Variants in BABAM2 observed in about 807,000 individuals in gnomAD.
BABAM2 encodes BRISC and BRCA1-A complex member 2.
In BABAM2, 31 loss-of-function variants were observed where a neutral mutation model predicts 54.7. The ratio of observed to expected loss-of-function variants is 0.57; its 90% confidence interval spans 0.43 to 0.77. The LOEUF is 0.77. Among genes scored for constraint, BABAM2 ranks in the 30% least tolerant of loss-of-function variants. BABAM2 has a pLI of 0.00. For synonymous variants in BABAM2, 167 were observed against 162.9 expected (o/e 1.03, Z -0.19); for missense variants, 364 against 455.8 (o/e 0.80, Z 1.83).
intron 10 of BABAM2, among the ~76,000 whole-genome samples, chr2:28,278,971 A>C (rs1158485211): frequency 6.6e-6 from 1 of 152,250 alleles, no homozygotes; most frequent in Non-Finnish European, 1.5e-5. Context: ...CACAGAATTC[A>C]TTCACAGTGA....
chr2:27,915,873 C>T (rs1666932316), intron 2 of BABAM2, among the ~76,000 whole-genome samples: 1 of 151,946 alleles, frequency 6.6e-6, no homozygotes. Flanking sequence ...CTTTTTGTTT[C>T]TTCTCCCCAT....
In BABAM2 at chr2:27,899,052, C is replaced by A. The variant is rs1665563283; in HGVS notation, c.128+4368C>A. 3.3e-5 allele frequency among the ~76,000 whole-genome samples: 5 copies of A among 151,542 alleles called. No homozygotes were observed. The South Asian group carries it at 1.0e-3, about 32-fold the overall frequency. On this transcript the variant is annotated intron_variant, in intron 2 of 11. Coordinates refer to ENST00000379624, the MANE Select transcript of BABAM2 (RefSeq NM_199191.3). ...GCTGAGACAGGTGGATCACTTGAGC[C>A]CAGGAGTTTGAGACCAGCCTAGGCA...
At chr2:28,270,143 A>T (rs1685301617) in intron 10 of BABAM2, among the ~76,000 whole-genome samples, 1 of 151,946 alleles carries the variant, frequency 6.6e-6, no homozygotes, top group Non-Finnish European at 1.5e-5. Context: ...TTTTTAAGAG[A>T]CAGGGTCTTG....
intron 7 of BABAM2, among the ~76,000 whole-genome samples, chr2:28,183,474 C>G (rs1216770513): frequency 4.6e-5 from 7 of 152,090 alleles, no homozygotes; most frequent in Non-Finnish European, 8.8e-5. Flanking sequence ...TTTCTTCCCT[C>G]AATGTAAATG....
At chr2:28,123,709 C>A (rs1254704815) in intron 6 of BABAM2, among the ~76,000 whole-genome samples, 1 of 152,178 alleles carries the variant, frequency 6.6e-6, no homozygotes, top group Non-Finnish European at 1.5e-5. Context: ...TTTAAGCACT[C>A]AAATTCAAAC....
chr2:28,303,340 C>T (rs1420565101), intron 11 of BABAM2, among the ~76,000 whole-genome samples: 2 of 152,090 alleles, frequency 1.3e-5, no homozygotes, highest in Non-Finnish European at 2.9e-5. Flanking sequence ...GCCTATGATC[C>T]ATCTCAAATT....
chr2:27,993,786 G>A (rs1558643321), intron 4 of BABAM2, among the ~76,000 whole-genome samples: 1 of 152,144 alleles, frequency 6.6e-6, no homozygotes, highest in Non-Finnish European at 1.5e-5. Context: ...TTCAGTGACT[G>A]TTCTGCTTGC....
intron 4 of BABAM2, among the ~76,000 whole-genome samples, chr2:28,000,597 T>C (rs1673511976): frequency 6.6e-6 from 1 of 152,208 alleles, no homozygotes; most frequent in Non-Finnish European, 1.5e-5. Context: ...TCTCACTGTG[T>C]GCAACCCACA....
rs577715206 is a variant in BABAM2, at chr2:28,186,039, A to C, written c.681-51163A>C. On this transcript the variant is annotated intron_variant, in intron 7 of 11. Transcript: ENST00000379624. ...AGGACTTAGTGTGGGAATGTTAAGG[A>C]ATGAAGCAGAGTTGAAGACATGGCT... Among the ~76,000 whole-genome samples the C allele has an allele frequency of 7.9e-5, 12 of 152,316 alleles. No homozygotes were observed. In the South Asian group the frequency reaches 2.5e-3, roughly 32 times the overall value.
intron 4 of BABAM2, chr2:28,013,414 G>T (rs1288508134): frequency 2.2e-6 from 1 of 455,396 alleles, no homozygotes; most frequent in Non-Finnish European, 4.4e-6. Context: ...GAAAAGTTCA[G>T]ACTTAAAATT....
In BABAM2 at chr2:28,067,392, C is replaced by T. The variant is rs190083289; in HGVS notation, c.570+21593C>T. On this transcript the variant is annotated intron_variant, in intron 6 of 11. Coordinates refer to ENST00000379624, the MANE Select transcript of BABAM2 (RefSeq NM_199191.3). ...ACATCAATTTTATACCACGGTCATA[C>T]TGAACAGTTAACCTGAACACATCTT... is the stretch of plus-strand genomic sequence containing the variant. Among the ~76,000 whole-genome samples, 9 of 152,360 alleles carry T rather than the reference C, an allele frequency of 5.9e-5. No individual in the cohort carries two copies. In the East Asian group the frequency reaches 1.7e-3, roughly 29 times the overall value.
chr2:28,125,484 G>C (rs1364905996), intron 6 of BABAM2, among the ~76,000 whole-genome samples: 1 of 151,950 alleles, frequency 6.6e-6, no homozygotes, highest in Non-Finnish European at 1.5e-5. Context: ...AGTAGAGATG[G>C]GGTTTACCGT....
intron 1 of BABAM2, among the ~76,000 whole-genome samples, chr2:27,894,092 A>G (rs962752478): frequency 3.9e-5 from 6 of 151,988 alleles, no homozygotes; most frequent in African/African-American, 1.2e-4. Flanking sequence ...TTTATACGGT[A>G]TTATCCATCA....
chr2:28,218,643 T>G (rs895071169), intron 7 of BABAM2, among the ~76,000 whole-genome samples: 2 of 152,168 alleles, frequency 1.3e-5, no homozygotes, highest in Non-Finnish European at 1.5e-5. Flanking sequence ...CCTGGTTAAG[T>G]GGTGTCTCTG....
chr2:27,936,839 C>G (rs1054685715), intron 3 of BABAM2, among the ~76,000 whole-genome samples: 2 of 152,084 alleles, frequency 1.3e-5, no homozygotes, highest in Non-Finnish European at 2.9e-5. Context: ...AGGAGATATA[C>G]GTAATGCTAA....
At chr2:28,220,522 CCT>C (rs34705365) in intron 7 of BABAM2, among the ~76,000 whole-genome samples, 20 of 149,546 alleles carry the variant, frequency 1.3e-4, no homozygotes, top group South Asian at 4.2e-4. Context: ...TACCTTAGTG[CCT>C]CTCTCTCTCT....
chr2:28,143,968 C>T (rs1425498598), intron 7 of BABAM2, among the ~76,000 whole-genome samples: 1 of 152,164 alleles, frequency 6.6e-6, no homozygotes, highest in Non-Finnish European at 1.5e-5. Flanking sequence ...ATGATAAAGT[C>T]TTTAGTGAAA....
At chr2:28,316,219 C>G (rs533104279) in intron 11 of BABAM2, among the ~76,000 whole-genome samples, 6 of 152,286 alleles carry the variant, frequency 3.9e-5, no homozygotes, top group African/African-American at 1.4e-4. Flanking sequence ...TCAGCCAGAA[C>G]AAACCTGTTC....
At chr2:28,193,642 A>G (rs1383058594) in intron 7 of BABAM2, among the ~76,000 whole-genome samples, 1 of 152,230 alleles carries the variant, frequency 6.6e-6, no homozygotes, top group Non-Finnish European at 1.5e-5. Flanking sequence ...CAAGAAAACC[A>G]AAGGTATATA....
Sources: gnomAD v4.1 joint callset for allele counts (sites outside exome capture counted in the v4.1 genomes callset) on GRCh38, gnomAD v4.1.1 for gene constraint, MANE v1.5 for transcripts, NCBI Gene and HGNC (gene_info 2026-07-23, HGNC 2026-07-21) for gene names.